ABCG1: variants seen among roughly 807,000 people sequenced by gnomAD.
The protein encoded by ABCG1 is ATP-binding cassette sub-family G member 1.
A neutral mutation model predicts 69.2 loss-of-function variants in ABCG1; 29 were observed. That is an observed-to-expected ratio of 0.42 (90% confidence interval 0.31 to 0.57). ABCG1 has a LOEUF of 0.57. ABCG1 is among the 20% of genes least tolerant of loss of function. The pLI, the probability that ABCG1 is intolerant of heterozygous loss-of-function variation, is 0.15. For missense variants in ABCG1, 718 were observed against 898.1 expected (o/e 0.80, Z 2.56); for synonymous variants, 370 against 374.8 (o/e 0.99, Z 0.15).
At chr21:42,230,059 A>G (rs2067878729) in intron 2 of ABCG1, among the ~76,000 whole-genome samples, 1 of 152,242 alleles carries the variant, frequency 6.6e-6, no homozygotes, top group Non-Finnish European at 1.5e-5. Flanking sequence ...GAACTTCACA[A>G]TCCTTACAAG....
chr21:42,204,820 T>C (rs1334998120), intron 2 of ABCG1, among the ~76,000 whole-genome samples: 1 of 152,174 alleles, frequency 6.6e-6, no homozygotes, highest in Non-Finnish European at 1.5e-5. Flanking sequence ...TGATCAACTA[T>C]AGTATTTTTT....
At chr21:42,263,341 T>C (rs2068445194) in intron 2 of ABCG1, among the ~76,000 whole-genome samples, 1 of 152,224 alleles carries the variant, frequency 6.6e-6, no homozygotes. Context: ...TTTGGAAAAG[T>C]TGTATTTCTT....
chr21:42,247,449 A>T (rs1308278345), intron 2 of ABCG1, among the ~76,000 whole-genome samples: 1 of 152,204 alleles, frequency 6.6e-6, no homozygotes, highest in East Asian at 1.9e-4. Flanking sequence ...ACCCGGGGGC[A>T]CCCGGTGGAG....
rs1007349445 is a variant in ABCG1 at position 42,258,680 on chromosome 21, A to G, written c.287-12390A>G. On this transcript the variant is annotated intron_variant, in intron 2 of 14. Coordinates refer to ENST00000398449, the MANE Select transcript of ABCG1 (RefSeq NM_016818.3). ...CCCTCCATTAATCCTCCTCTAGAGC[A>G]TTCTACTAGAGAACAGCCGAGGTCA... Among the ~76,000 whole-genome samples, 5 of 152,224 alleles carry G rather than the reference A, an allele frequency of 3.3e-5. No homozygotes were observed. In the East Asian group the frequency reaches 9.6e-4, roughly 29 times the overall value.
chr21:42,204,760 T>A (rs1690561726), intron 2 of ABCG1, among the ~76,000 whole-genome samples: 1 of 152,168 alleles, frequency 6.6e-6, no homozygotes, highest in African/African-American at 2.4e-5. Context: ...GACAATTGTG[T>A]ACTAAGGCCT....
intron 2 of ABCG1, among the ~76,000 whole-genome samples, chr21:42,204,638 G>A (rs1476926970): frequency 6.6e-6 from 1 of 152,270 alleles, no homozygotes; most frequent in Middle Eastern, 3.4e-3. Context: ...GACTCTGTCT[G>A]CTAGTATTTT....
upstream of ABCG1, among the ~76,000 whole-genome samples, chr21:42,211,997 T>C (rs2067594162): frequency 6.6e-6 from 1 of 152,168 alleles, no homozygotes; most frequent in Non-Finnish European, 1.5e-5. Flanking sequence ...ACTTATTAAA[T>C]GGTTTGAAAC....
At chr21:42,234,857 C>G (rs1433649527) in intron 2 of ABCG1, among the ~76,000 whole-genome samples, 1 of 151,204 alleles carries the variant, frequency 6.6e-6, no homozygotes, top group Non-Finnish European at 1.5e-5. Context: ...GTGTGCAGCG[C>G]CCGCCCATCC....
intron 2 of ABCG1, among the ~76,000 whole-genome samples, chr21:42,257,816 C>G (rs1170769424): frequency 6.6e-6 from 1 of 152,214 alleles, no homozygotes; most frequent in East Asian, 1.9e-4. Context: ...TCTTCAGGAA[C>G]AGACTGAGGC....
intron 2 of ABCG1, among the ~76,000 whole-genome samples, chr21:42,230,888 G>C (rs2067891727): frequency 6.6e-6 from 1 of 152,234 alleles, no homozygotes; most frequent in African/African-American, 2.4e-5. Flanking sequence ...ACGTGACCAA[G>C]GTCATAGGAG....
intron 2 of ABCG1, among the ~76,000 whole-genome samples, chr21:42,226,371 T>C (rs576440918): frequency 1.3e-5 from 2 of 152,230 alleles, no homozygotes; most frequent in Non-Finnish European, 2.9e-5. Flanking sequence ...GAGACCCATC[T>C]TGAAAGGATT....
chr21:42,220,702 TC>T (rs1268904856), intron 1 of ABCG1, among the ~76,000 whole-genome samples: 10 of 152,366 alleles, frequency 6.6e-5, no homozygotes, highest in Admixed American at 6.5e-4. Flanking sequence ...AAAAGCCGTT[TC>T]CCTCCCGGTG....
At chr21:42,236,152 T>C (rs1158666441) in intron 2 of ABCG1, among the ~76,000 whole-genome samples, 1 of 152,184 alleles carries the variant, frequency 6.6e-6, no homozygotes, top group African/African-American at 2.4e-5. Flanking sequence ...AACCTTGGAA[T>C]TGCCCTTGGG....
chr21:42,280,591 G>T (rs1191629602), intron 5 of ABCG1, among the ~76,000 whole-genome samples: 2 of 152,232 alleles, frequency 1.3e-5, no homozygotes, highest in Non-Finnish European at 2.9e-5. Context: ...CTTTAAAACA[G>T]AACCCTTCTG....
intron 2 of ABCG1, among the ~76,000 whole-genome samples, chr21:42,207,784 G>A (rs2067554810): frequency 6.6e-6 from 1 of 152,206 alleles, no homozygotes; most frequent in African/African-American, 2.4e-5. Context: ...TACCTCCCTA[G>A]CTGGGGGAGG....
chr21:42,212,469 G>C (rs1336737772), upstream of ABCG1, among the ~76,000 whole-genome samples: 3 of 152,212 alleles, frequency 2.0e-5, no homozygotes, highest in Non-Finnish European at 2.9e-5. Flanking sequence ...TGAGGTGTCA[G>C]ACAGAAATGA....
At position 42,225,618 on chromosome 21, in the gene ABCG1, T is replaced by G. The variant is rs2067802499; in HGVS notation, c.43-53T>G. The G allele has an allele frequency of 5.7e-6, 9 of 1,591,810 alleles. No individual in the cohort carries two copies. In the East Asian group the frequency reaches 1.8e-4, roughly 32 times the overall value. On this transcript the variant is annotated intron_variant, in intron 1 of 14. Coordinates refer to ENST00000398449, the MANE Select transcript of ABCG1 (RefSeq NM_016818.3). ...CCTCATGGTGAATCTCTTCATGTTCTTTTTCTTGATGCAGCTTATAACAGG... is the reference window on the plus strand; with the variant it reads ...CCTCATGGTGAATCTCTTCATGTTCGTTTTCTTGATGCAGCTTATAACAGG...
intron 2 of ABCG1, among the ~76,000 whole-genome samples, chr21:42,241,977 C>CAAAAAAAAAAAAAAA (rs35823612): frequency 1.6e-4 from 15 of 94,238 alleles, no homozygotes; most frequent in Admixed American, 5.9e-4. Flanking sequence ...GACCCTGTCT[C>CAAAAAAAAAAAAAAA]AAAAAAAAAA....
At chr21:42,293,171 TAC>T (rs1412554442) in intron 13 of ABCG1, among the ~76,000 whole-genome samples, 32 of 96,478 alleles carry the variant, frequency 3.3e-4, no homozygotes, top group Non-Finnish European at 5.8e-4. Flanking sequence ...CACCACACAC[TAC>T]ACACACACCA....
Sources: allele counts gnomAD v4.1 joint callset (sites outside exome capture counted in the v4.1 genomes callset), GRCh38; gene constraint gnomAD v4.1.1; transcripts MANE v1.5; gene names NCBI Gene and HGNC (gene_info 2026-07-23, HGNC 2026-07-21).